PLCL2: variants seen among roughly 807,000 people sequenced by gnomAD.
PLCL2 encodes the protein inactive phospholipase C-like protein 2.
PLCL2 carries 4 observed loss-of-function variants against 79.6 expected under a neutral mutation model. That is an observed-to-expected ratio of 0.05 (90% CI 0.02 to 0.11). The LOEUF is 0.11. PLCL2 is among the 10% of genes least tolerant of loss of function. The pLI, the probability that PLCL2 is intolerant of heterozygous loss-of-function variation, is 1.00. For missense variants in PLCL2, 895 were observed against 1,291.0 expected (o/e 0.69, Z 4.70); for synonymous variants, 484 against 457.7 (o/e 1.06, Z -0.73).
At chr3:16,897,949 A>G (rs1696521999) in intron 1 of PLCL2, among the ~76,000 whole-genome samples, 1 of 152,164 alleles carries the variant, frequency 6.6e-6, no homozygotes, top group African/African-American at 2.4e-5. Flanking sequence ...GGACTGCACA[A>G]ATTATTAGAG....
At position 17,009,638 on chromosome 3, in the gene PLCL2, A is replaced by T; in HGVS notation, c.328-36A>T. The stretch of plus-strand genomic sequence containing the variant: ...ATCTTGAACATAGAAACCTATATTT[A>T]TGTTATTCTAATATACGGTCTTTTT... On this transcript the variant is annotated intron_variant, in intron 1 of 5. Transcript: ENST00000615277. The surrounding 1 kb of genome is among the most constrained non-coding windows in gnomAD (Gnocchi z 4.0). 9.1e-7 allele frequency: 1 copy of T among 1,093,760 alleles called. No homozygotes were observed. Among genetic ancestry groups the T allele is most frequent in the Non-Finnish European group, 1.3e-6 (1 of 761,034 alleles). The allele number at this position is 1,093,760 out of a possible 1,614,324, so 67.8% of individuals were successfully genotyped here.
intron 1 of PLCL2, among the ~76,000 whole-genome samples, chr3:16,900,630 A>G (rs544388030): frequency 3.3e-5 from 5 of 152,352 alleles, no homozygotes; most frequent in African/African-American, 4.8e-5. Context: ...TTTGTATGCT[A>G]ATAACACCTC....
chr3:16,914,657 A>G (rs1696952547), intron 1 of PLCL2, among the ~76,000 whole-genome samples: 1 of 152,066 alleles, frequency 6.6e-6, no homozygotes, highest in East Asian at 1.9e-4. Context: ...AGAATTTGTT[A>G]GCGTCTTCTT....
Position 16,961,964 on chromosome 3 carries a change from T to C in PLCL2, c.328-47710T>C, listed in dbSNP as rs553644367. 5.3e-5 allele frequency among the ~76,000 whole-genome samples: 8 copies of C among 152,270 alleles called. No homozygotes were observed. In the South Asian group the frequency reaches 1.5e-3, roughly 28 times the overall value. ...GTGAACCCTCTCATGTTCAGAGCAC[T>C]GCAGGGTGCCCAGCATCTCAGCTCC... On this transcript the variant is annotated intron_variant, in intron 1 of 5. Transcript: ENST00000615277.
chr3:16,959,775 G>A (rs1457946478), intron 1 of PLCL2, among the ~76,000 whole-genome samples: 2 of 152,150 alleles, frequency 1.3e-5, no homozygotes. Context: ...TCCCACTACA[G>A]TGTCTCTTCC....
At chr3:16,948,761 A>C (rs959886459) in intron 1 of PLCL2, among the ~76,000 whole-genome samples, 3 of 152,204 alleles carry the variant, frequency 2.0e-5, no homozygotes, top group Non-Finnish European at 4.4e-5. Flanking sequence ...TAATTTGAAA[A>C]TATCATTGTA....
intron 1 of PLCL2, among the ~76,000 whole-genome samples, chr3:16,993,033 G>A (rs2064119983): frequency 6.6e-6 from 1 of 152,154 alleles, no homozygotes; most frequent in Admixed American, 6.5e-5. Context: ...CCTACGAGTT[G>A]AAAGTGTCCA....
chr3:16,999,308 C>T (rs568824244), intron 1 of PLCL2, among the ~76,000 whole-genome samples: 5 of 152,230 alleles, frequency 3.3e-5, no homozygotes, highest in Admixed American at 6.5e-5. Flanking sequence ...GAGAGGGTGA[C>T]GTTCATTCTG....
chr3:17,027,677 T>C (rs1275900880), intron 3 of PLCL2, among the ~76,000 whole-genome samples: 2 of 152,230 alleles, frequency 1.3e-5, no homozygotes. Flanking sequence ...TCCTTTAAAA[T>C]GTACTCACTG....
At chr3:17,023,253 A>G (rs989853128) in intron 3 of PLCL2, among the ~76,000 whole-genome samples, 16 of 152,158 alleles carry the variant, frequency 1.1e-4, no homozygotes, top group African/African-American at 3.6e-4. Flanking sequence ...CAGAGCTGCA[A>G]TTCCCTTGGC....
At position 16,918,818 on chromosome 3, in the gene PLCL2, A is replaced by G. The variant is rs150146466; in HGVS notation, c.327+33452A>G. On this transcript the variant is annotated intron_variant, in intron 1 of 5. Coordinates refer to ENST00000615277, the MANE Select transcript of PLCL2 (RefSeq NM_001144382.2). ...TTGTTGCTCTTTGTGCTCACATAGC[A>G]CTGGAATAAAGCAGTCAAAGTTAAT... 5.2e-3 allele frequency among the ~76,000 whole-genome samples: 792 copies of G among 152,276 alleles called. 4 individuals carry two copies. Among genetic ancestry groups the G allele is most frequent in the African/African-American group, 0.018 (732 of 41,560 alleles).
intron 3 of PLCL2, among the ~76,000 whole-genome samples, chr3:17,017,095 C>T (rs1476744424): frequency 1.3e-5 from 2 of 152,200 alleles, no homozygotes; most frequent in African/African-American, 4.8e-5. Flanking sequence ...GCACTCATAG[C>T]AATATTCGGC....
chr3:16,980,120 C>T (rs1377551517), intron 1 of PLCL2, among the ~76,000 whole-genome samples: 1 of 88,952 alleles, frequency 1.1e-5, no homozygotes, highest in South Asian at 4.5e-4. Flanking sequence ...CCCTCCCGGA[C>T]GGGGCAGCTG....
chr3:17,051,612 G>C (rs2064839750), intron 4 of PLCL2, among the ~76,000 whole-genome samples: 2 of 152,130 alleles, frequency 1.3e-5, no homozygotes, highest in African/African-American at 4.8e-5. Context: ...GGGCAGGAAA[G>C]GATAGGCTAA....
chr3:17,067,425 G>A (rs1025855061), intron 4 of PLCL2, among the ~76,000 whole-genome samples: 1 of 152,142 alleles, frequency 6.6e-6, no homozygotes, highest in African/African-American at 2.4e-5. Context: ...ATAAATTCTG[G>A]TGTAGAATAA....
At chr3:17,024,203 G>C (rs112705873) in intron 3 of PLCL2, among the ~76,000 whole-genome samples, 1,725 of 152,230 alleles carry the variant, frequency 0.011, 37 homozygotes, top group African/African-American at 0.038. Context: ...ATTTTTGTTA[G>C]GTGAATAACA....
chr3:16,970,058 A>ATATTTT (rs1553640074), intron 1 of PLCL2, among the ~76,000 whole-genome samples: 102 of 145,764 alleles, frequency 7.0e-4, no homozygotes, highest in African/African-American at 9.9e-4. Context: ...ATATATATAT[A>ATATTTT]TTTTATTTTA....
chr3:16,995,363 A>G (rs1280207086), intron 1 of PLCL2, among the ~76,000 whole-genome samples: 1 of 152,226 alleles, frequency 6.6e-6, no homozygotes, highest in East Asian at 1.9e-4. Context: ...GGAAATGCAG[A>G]TGATTATCAG....
chr3:17,066,749 T>C (rs925098269), intron 4 of PLCL2, among the ~76,000 whole-genome samples: 5 of 152,308 alleles, frequency 3.3e-5, no homozygotes, highest in East Asian at 1.9e-4. Flanking sequence ...AACTCCACTA[T>C]GCAATTGTGT....
Sources: gnomAD v4.1 joint callset for allele counts (sites outside exome capture counted in the v4.1 genomes callset) on GRCh38, gnomAD v4.1.1 for gene constraint, Gnocchi (gnomAD v3.1) non-coding constraint, MANE v1.5 for transcripts, NCBI Gene and HGNC (gene_info 2026-07-23, HGNC 2026-07-21) for gene names.